The following CUX1 variants were observed in gnomAD, a reference collection of about 807,000 sequenced individuals.
The protein encoded by CUX1 is cut like homeobox 1.
A neutral mutation model predicts 158.8 loss-of-function variants in CUX1; 31 were observed. The ratio of observed to expected loss-of-function variants is 0.20; its 90% confidence interval spans 0.15 to 0.26. CUX1 has a LOEUF of 0.26. Among genes scored for constraint, CUX1 ranks in the 10% least tolerant of loss-of-function variants. CUX1 has a pLI of 1.00. For synonymous variants in CUX1, 879 were observed against 862.1 expected (o/e 1.02, Z -0.34); for missense variants, 1,589 against 2,014.6 (o/e 0.79, Z 4.04).
chr7:101,845,002 T>C (rs1399916875), intron 1 of CUX1, among the ~76,000 whole-genome samples: 1 of 152,220 alleles, frequency 6.6e-6, no homozygotes, highest in African/African-American at 2.4e-5. Context: ...ACTGACCCTT[T>C]GATTCTGATG....
chr7:102,252,805 C>G lies in CUX1; in HGVS notation c.*3763C>G. On this transcript the variant is annotated 3_prime_UTR_variant, in exon 24 of 24. Coordinates refer to ENST00000292535, the MANE Select transcript of CUX1 (RefSeq NM_181552.4). ...TGAAGACATCTGTGGTTTCTGCTCA[C>G]CAGACCTCTCTTTAGAAAGGGTTAT... The G allele has an allele frequency of 3.0e-6, 3 of 985,456 alleles. No homozygotes were observed. Among genetic ancestry groups the G allele is most frequent in the Non-Finnish European group, 3.6e-6 (3 of 829,956 alleles). 61.0% of individuals were successfully genotyped at this position (985,456 alleles called of 1,614,324 possible).
chr7:101,848,505 G>A (rs1795942123), intron 1 of CUX1, among the ~76,000 whole-genome samples: 1 of 152,094 alleles, frequency 6.6e-6, no homozygotes, highest in African/African-American at 2.4e-5. Flanking sequence ...AGAATTTGTT[G>A]GGCGAGGGAT....
intron 2 of CUX1, chr7:101,932,331 G>A (rs1806383744): frequency 3.4e-6 from 1 of 295,966 alleles, no homozygotes; most frequent in South Asian, 3.1e-5. Context: ...GGTCAGGTGT[G>A]TTCACATAAT....
rs1397097129 is a variant in CUX1 at position 102,034,829 on chromosome 7, G to A, written c.189+6684G>A. ...CAGGCCTGTACACCTAGCTATGCAG[G>A]AGGCTGAAGCAGGAGAATCACTTGA... is the stretch of plus-strand genomic sequence containing the variant. On this transcript the variant is annotated intron_variant, in intron 3 of 23. Transcript: ENST00000292535. 3.3e-5 allele frequency among the ~76,000 whole-genome samples: 5 copies of A among 151,436 alleles called. 1 individual carries two copies. Among genetic ancestry groups the A allele is most frequent in the Admixed American group, 6.6e-5 (1 of 15,186 alleles).
intron 2 of CUX1, among the ~76,000 whole-genome samples, chr7:101,989,371 G>A (rs890091128): frequency 2.0e-5 from 3 of 152,226 alleles, no homozygotes; most frequent in African/African-American, 4.8e-5. Flanking sequence ...TCGGCGTGCC[G>A]CACTGGCCAG....
intron 2 of CUX1, among the ~76,000 whole-genome samples, chr7:101,940,535 T>G (rs1289188010): frequency 1.3e-5 from 2 of 152,074 alleles, no homozygotes; most frequent in Admixed American, 6.6e-5. Flanking sequence ...AAGACGCTCT[T>G]CTAGTATTTT....
chr7:102,177,368 C>T (rs1355403444), intron 10 of CUX1, among the ~76,000 whole-genome samples: 9 of 149,974 alleles, frequency 6.0e-5, no homozygotes, highest in African/African-American at 1.5e-4. Flanking sequence ...GAGCCGAGAT[C>T]GCGCCACTGC....
intron 2 of CUX1, among the ~76,000 whole-genome samples, chr7:102,004,802 A>G (rs142843569): frequency 7.2e-4 from 109 of 152,316 alleles, no homozygotes; most frequent in African/African-American, 2.5e-3. Flanking sequence ...GTAGAGAGGC[A>G]AAGAAACAAG....
At chr7:101,875,747 C>A (rs1158115499) in intron 1 of CUX1, among the ~76,000 whole-genome samples, 1 of 152,154 alleles carries the variant, frequency 6.6e-6, no homozygotes, top group Non-Finnish European at 1.5e-5. Flanking sequence ...GCTTTTTCTA[C>A]CTTTAGAGAT....
intron 3 of CUX1, among the ~76,000 whole-genome samples, chr7:102,054,217 A>G (rs1469775863): frequency 1.3e-5 from 2 of 152,190 alleles, no homozygotes; most frequent in African/African-American, 4.8e-5. Flanking sequence ...CATCATACCT[A>G]AGAAACCATT....
chr7:101,824,441 C>T (rs1793032155), intron 1 of CUX1: 1 of 152,214 alleles, frequency 6.6e-6, no homozygotes, highest in Non-Finnish European at 1.5e-5. Flanking sequence ...CTGTAAGTTT[C>T]TCTGGCTTAT....
At chr7:102,217,650 A>ATGC (rs1563428693) in intron 20 of CUX1, among the ~76,000 whole-genome samples, 1 of 150,456 alleles carries the variant, frequency 6.6e-6, no homozygotes, top group East Asian at 2.0e-4. Flanking sequence ...CTCTGGATGG[A>ATGC]AGCAATGGTG....
At chr7:102,149,592 G>T (rs1835410996) in intron 8 of CUX1, among the ~76,000 whole-genome samples, 1 of 152,210 alleles carries the variant, frequency 6.6e-6, no homozygotes, top group South Asian at 2.1e-4. Flanking sequence ...AGACCTCCCT[G>T]TCTCAGTCTG....
intron 1 of CUX1, among the ~76,000 whole-genome samples, chr7:101,849,407 A>T (rs959484218): frequency 1.3e-5 from 2 of 150,176 alleles, no homozygotes; most frequent in African/African-American, 2.5e-5. Context: ...TTTAGCTCCC[A>T]CTTATAAGTG....
rs1554539738 is a variant in CUX1, at chr7:102,250,707, CTG to C, written c.*1666_*1667del. 1.0e-6 allele frequency: 1 copy of C among 985,264 alleles called. No homozygotes were observed. Among genetic ancestry groups the C allele is most frequent in the Non-Finnish European group, 1.2e-6 (1 of 829,940 alleles). The allele number at this position is 985,264 out of a possible 1,614,324, so 61.0% of individuals were successfully genotyped here. A position where few individuals can be genotyped will look rare whatever the true frequency, so the allele number is the denominator to read the frequency against. On this transcript the variant is annotated 3_prime_UTR_variant, in exon 24 of 24. Transcript: ENST00000292535. The stretch of plus-strand genomic sequence containing the variant: ...AGTTTTAGGGCAGTCTAAGTACAAA[CTG>C]AAAGTCTAACTTGTCTCTGATTCCT...
intron 18 of CUX1, among the ~76,000 whole-genome samples, chr7:102,279,462 C>G (rs534191462): frequency 6.6e-6 from 1 of 152,324 alleles, no homozygotes; most frequent in Non-Finnish European, 1.5e-5. Context: ...GAGGCCTGTG[C>G]GTGGCTTCTC....
At chr7:102,197,427 G>GAGAACT in intron 15 of CUX1, 122 bp downstream of exon 15, 1 of 1,219,760 alleles carries the variant, frequency 8.2e-7, no homozygotes, top group Non-Finnish European at 1.2e-6. Context: ...ATCAGGTAAA[G>GAGAACT]TTCTCTTTGC....
chr7:102,157,560 A>G lies in CUX1; in HGVS notation c.675-1000A>G, dbSNP rs1305388356. On this transcript the variant is annotated intron_variant, in intron 8 of 23. Transcript: ENST00000292535. ...TTTGGGAGGCCAAGGTGGGTGGATT[A>G]CCTGAGGTCAGGAGTTTGAGACCAG... 2.0e-5 allele frequency among the ~76,000 whole-genome samples: 3 copies of G among 152,074 alleles called. 1 individual carries two copies. The South Asian group carries it at 6.2e-4, about 32-fold the overall frequency.
chr7:102,116,598 C>T (rs201504), intron 8 of CUX1, among the ~76,000 whole-genome samples: 1 of 151,834 alleles, frequency 6.6e-6, no homozygotes, highest in East Asian at 1.9e-4. Flanking sequence ...GAGCTGTGAT[C>T]GTACCAGTGC....
Sources: gnomAD v4.1 joint callset for allele counts (sites outside exome capture counted in the v4.1 genomes callset) on GRCh38, gnomAD v4.1.1 for gene constraint, MANE v1.5 for transcripts, NCBI Gene and HGNC (gene_info 2026-07-23, HGNC 2026-07-21) for gene names.